Variants in LRBA observed in about 807,000 individuals in gnomAD.
LRBA encodes lipopolysaccharide-responsive and beige-like anchor protein.
Under a neutral mutation model 330.0 loss-of-function variants are expected in LRBA, and 176 were observed. That is an observed-to-expected ratio of 0.53 (90% confidence interval 0.47 to 0.60). The LOEUF (loss-of-function observed/expected upper bound fraction) is 0.60, where lower values mean the gene tolerates loss of function less well. Among genes scored for constraint, LRBA ranks in the 20% least tolerant of loss-of-function variants. LRBA has a pLI of 0.00. For missense variants in LRBA, 3,259 were observed against 3,444.8 expected, an observed-to-expected ratio of 0.95 and a Z score of 1.35; for synonymous variants, 1,230 against 1,193.0, an observed-to-expected ratio of 1.03 and a Z score of -0.64.
At chr4:150,906,233 C>T in intron 12 of LRBA, 64 bp downstream of exon 12, 1 of 1,045,740 alleles carries the variant, frequency 9.6e-7, no homozygotes, top group Admixed American at 2.0e-5. Flanking sequence ...TCCTTAGCCA[C>T]TTAGAGAACA....
At chr4:150,980,735 A>G (rs1049555788) in intron 2 of LRBA, among the ~76,000 whole-genome samples, 3 of 152,204 alleles carry the variant, frequency 2.0e-5, no homozygotes, top group Non-Finnish European at 4.4e-5. Flanking sequence ...ATATTTGGAA[A>G]AACCTAGAGA....
intron 46 of LRBA, chr4:150,423,535 G>A: frequency 2.3e-6 from 1 of 437,392 alleles, no homozygotes; most frequent in Non-Finnish European, 4.2e-6. Flanking sequence ...AGAGACTGGA[G>A]GCTGGTGGGC....
chr4:150,578,097 T>C (rs1226961524), intron 40 of LRBA, among the ~76,000 whole-genome samples: 10 of 152,176 alleles, frequency 6.6e-5, no homozygotes, highest in Admixed American at 6.5e-4. Context: ...GGATTCTTTC[T>C]CAAAGCACTT....
intron 37 of LRBA, among the ~76,000 whole-genome samples, chr4:150,663,965 A>G (rs1194898943): frequency 6.6e-6 from 1 of 152,204 alleles, no homozygotes; most frequent in Non-Finnish European, 1.5e-5. Flanking sequence ...CTGAAAACAC[A>G]AAGAAGAGCA....
At chr4:150,970,588 A>ACAC (rs1739475084) in intron 2 of LRBA, 1 of 142,376 alleles carries the variant, frequency 7.0e-6, no homozygotes, top group South Asian at 2.3e-4. Context: ...CACACACACA[A>ACAC]AAGTATACTG....
At chr4:150,903,707 C>G (rs1332234160) in intron 13 of LRBA, among the ~76,000 whole-genome samples, 1 of 152,134 alleles carries the variant, frequency 6.6e-6, no homozygotes, top group Non-Finnish European at 1.5e-5. Context: ...ACCTTAGTGA[C>G]ACAGTGAGAC....
intron 46 of LRBA, among the ~76,000 whole-genome samples, chr4:150,418,022 T>G (rs1171405373): frequency 2.7e-5 from 4 of 150,902 alleles, no homozygotes; most frequent in Admixed American, 2.0e-4. Context: ...GTTTTTTGTT[T>G]TTTTTTTTTT....
At chr4:150,661,145 T>C (rs1229285499) in intron 37 of LRBA, among the ~76,000 whole-genome samples, 1 of 146,158 alleles carries the variant, frequency 6.8e-6, no homozygotes, top group Non-Finnish European at 1.5e-5. Context: ...CCTGATACAG[T>C]ACTTAATAAA....
At chr4:150,875,393 A>G (rs28824043) in intron 17 of LRBA, among the ~76,000 whole-genome samples, 1,939 of 152,190 alleles carry the variant, frequency 0.013, 46 homozygotes, top group African/African-American at 0.044. Context: ...TCCCATCACT[A>G]TTTTTTGTGC....
At chr4:150,598,903 G>A (rs1157141465) in intron 38 of LRBA, 104 bp downstream of exon 38, 5 of 1,323,032 alleles carry the variant, frequency 3.8e-6, no homozygotes, top group Admixed American at 4.4e-5. Context: ...ACCATAAAAT[G>A]TGGTGTTGGA....
At chr4:150,310,946 A>AT (rs1730982908) in intron 51 of LRBA, 1 of 152,278 alleles carries the variant, frequency 6.6e-6, no homozygotes, top group Non-Finnish European at 1.5e-5. Flanking sequence ...AAAGGGTAGA[A>AT]TGACTGTTTA....
Position 150,851,891 on chromosome 4 carries a change from C to T in LRBA, c.3819G>A (p.Val1273=). 1.9e-6 allele frequency: 3 copies of T among 1,606,404 alleles called. No individual in the cohort carries two copies. Among genetic ancestry groups the T allele is most frequent in the Non-Finnish European group, 1.7e-6 (2 of 1,176,114 alleles). Residue 1273 remains valine, a synonymous_variant, in exon 23 of 57, where the codon GTG becomes GTA. Coordinates refer to ENST00000651943, the MANE Select transcript of LRBA (RefSeq NM_001364905.1). ...AGACAATATATAAAATCACCTCAAG[C>T]ACATGTCGATGAGGTTGAGGTGCTT... The part of the protein sequence containing the change: ...NVEAPQPHRH[V]LEISRQHEQP...
chr4:150,403,887 C>T (rs1335783736), intron 47 of LRBA, among the ~76,000 whole-genome samples: 1 of 151,938 alleles, frequency 6.6e-6, no homozygotes, highest in Non-Finnish European at 1.5e-5. Context: ...AAAAAATTAG[C>T]CAGGTGTGGT....
chr4:150,809,279 G>A (rs889929477), intron 31 of LRBA, among the ~76,000 whole-genome samples: 1 of 152,096 alleles, frequency 6.6e-6, no homozygotes, highest in African/African-American at 2.4e-5. Flanking sequence ...AAGAGGACAC[G>A]GAAGCAGCAG....
chr4:150,888,615 G>A (rs941793380), intron 17 of LRBA, among the ~76,000 whole-genome samples: 5 of 151,846 alleles, frequency 3.3e-5, no homozygotes, highest in African/African-American at 1.2e-4. Context: ...CATCTCTAGA[G>A]CAACCACCAA....
At chr4:150,932,708 G>A (rs1579244910) in intron 2 of LRBA, among the ~76,000 whole-genome samples, 1 of 152,164 alleles carries the variant, frequency 6.6e-6, no homozygotes, top group East Asian at 1.9e-4. Context: ...TTGAGCGCAG[G>A]AGTTTAAGAT....
At chr4:150,766,161 A>G (rs958441897) in intron 34 of LRBA, among the ~76,000 whole-genome samples, 5 of 152,214 alleles carry the variant, frequency 3.3e-5, no homozygotes, top group Admixed American at 1.3e-4. Flanking sequence ...CTGAAATAAA[A>G]TGTTCTCATT....
chr4:150,463,400 T>G (rs919318110), intron 44 of LRBA, among the ~76,000 whole-genome samples: 1 of 151,994 alleles, frequency 6.6e-6, no homozygotes, highest in African/African-American at 2.4e-5. Context: ...TCACAAAATT[T>G]CTAAAAATAT....
At chr4:150,542,954 C>CT (rs1765468428) in intron 40 of LRBA, among the ~76,000 whole-genome samples, 1 of 152,060 alleles carries the variant, frequency 6.6e-6, no homozygotes, top group African/African-American at 2.4e-5. Context: ...TATAATGAGG[C>CT]TTAACATTAA....
Sources: gnomAD v4.1 joint callset for allele counts (sites outside exome capture counted in the v4.1 genomes callset) on GRCh38, gnomAD v4.1.1 for gene constraint, MANE v1.5 for transcripts, NCBI Gene and HGNC (gene_info 2026-07-23, HGNC 2026-07-21) for gene names.